Variants in HES5 observed in about 807,000 individuals in gnomAD.
HES5 encodes the protein hes family bHLH transcription factor 5, also known as transcription factor HES-5.
In HES5, 12 loss-of-function variants were observed where a neutral mutation model predicts 9.6. The ratio of observed to expected loss-of-function variants is 1.25; its 90% CI spans 0.80 to 2.03. The LOEUF is 2.03. HES5 is among the 30% of genes most tolerant of loss of function. The pLI is 0.00. For synonymous variants in HES5, 131 were observed against 102.4 expected (o/e 1.28, Z -1.69); for missense variants, 255 against 218.6 (o/e 1.17, Z -1.05).
At position 2,530,248 on chromosome 1, in the gene HES5, C is replaced by T. The variant is rs1483360511; in HGVS notation, c.-84G>A. 4 of 1,222,024 alleles carry T rather than the reference C, an allele frequency of 3.3e-6. No homozygotes were observed. The highest frequency in any genetic ancestry group is 4.2e-6 in the Non-Finnish European group (4 of 962,384). 75.7% of individuals were successfully genotyped at this position (1,222,024 alleles called of 1,614,324 possible). A position where few individuals can be genotyped will look rare whatever the true frequency, so the allele number is the denominator to read the frequency against. On this transcript the variant is annotated 5_prime_UTR_variant, in exon 1 of 3. Coordinates refer to ENST00000378453, the MANE Select transcript of HES5 (RefSeq NM_001010926.4). ...GGGCGCGGGCAAGGCCAAGCGCGTC[C>T]CGGGCTGGCGCGGACACCGGCCCCG... is the stretch of plus-strand genomic sequence containing the variant.
At position 2,529,823 on chromosome 1, in the gene HES5, G is replaced by C. The variant is rs1472179441; in HGVS notation, c.220+23C>G. The C allele has an allele frequency of 7.2e-7, 1 of 1,391,914 alleles. No homozygotes were observed. The highest frequency in any genetic ancestry group is 1.5e-5 in the African/African-American group (1 of 68,262). The allele number at this position is 1,391,914 out of a possible 1,614,324, so 86.2% of individuals were successfully genotyped here. The stretch of plus-strand genomic sequence containing the variant: ...CCGGGGCGCGGTGGGAACTCGGGGC[G>C]CGGGGGGCCCGGGCGCGCTCACCTT... On this transcript the variant is annotated intron_variant, in intron 2 of 2. Coordinates refer to ENST00000378453, the MANE Select transcript of HES5 (RefSeq NM_001010926.4). This position sits in a 1 kb window ranked among gnomAD's most constrained non-coding sequence, Gnocchi z 4.5.
At position 2,530,011 on chromosome 1, in the gene HES5, G is replaced by A; in HGVS notation, c.55C>T (p.Leu19=). 3 of 1,603,986 alleles carry A rather than the reference G, an allele frequency of 1.9e-6. No individual in the cohort carries two copies. Among genetic ancestry groups the A allele is most frequent in the South Asian group, 1.1e-5 (1 of 90,418 alleles). ...ELLSPKEKNR[L]RKPVVEKMRR... ...ATCTTCTCCACCACCGGCTTCCGCA[G>A]CTGCGGGAGGAGGGGGTGTCAGGCT... The change falls in exon 2 of 3, where the codon CTG becomes TTG. Residue 19 remains leucine, a splice_region_variant and synonymous_variant. Coordinates refer to ENST00000378453, the MANE Select transcript of HES5 (RefSeq NM_001010926.4).
rs1281561918 is a variant in HES5 at position 2,529,280 on chromosome 1, G to T, written c.*189C>A. On this transcript the variant is annotated 3_prime_UTR_variant, in exon 3 of 3. Coordinates refer to ENST00000378453, the MANE Select transcript of HES5 (RefSeq NM_001010926.4). This position sits in a 1 kb window ranked among gnomAD's most constrained non-coding sequence, Gnocchi z 4.5. The stretch of plus-strand genomic sequence containing the variant: ...GATGGGCCCTGATTGTCCTAAAACG[G>T]CAGGGACTCTGCACACACATTCTCT... 6 of 369,112 alleles carry T rather than the reference G, an allele frequency of 1.6e-5. No homozygotes were observed. The highest frequency in any genetic ancestry group is 1.1e-5 in the Non-Finnish European group (3 of 263,460). The allele number at this position is 369,112 out of a possible 1,614,324, so 22.9% of individuals were successfully genotyped here.
In HES5 at chr1:2,529,285, G is replaced by A. The variant is rs559832556; in HGVS notation, c.*184C>T. 2 of 397,896 alleles carry A rather than the reference G, an allele frequency of 5.0e-6. No individual in the cohort carries two copies. The highest frequency in any genetic ancestry group is 1.1e-3 in the Middle Eastern group (1 of 882). 24.6% of individuals were successfully genotyped at this position (397,896 alleles called of 1,614,324 possible). A position where few individuals can be genotyped will look rare whatever the true frequency, so the allele number is the denominator to read the frequency against. On this transcript the variant is annotated 3_prime_UTR_variant, in exon 3 of 3. Transcript: ENST00000378453. The surrounding 1 kb of genome is among the most constrained non-coding windows in gnomAD (Gnocchi z 4.5). ...GCCCTGATTGTCCTAAAACGGCAGG[G>A]ACTCTGCACACACATTCTCTGAGAA...
In HES5 at chr1:2,529,329, G is replaced by C; in HGVS notation, c.*140C>G. Reference sequence around the variant, plus strand: ...CTGAGAATGGGGCTCCTGCGGGCCGGCCAGCTTGGGGCCAGAGCCTTCCGG... The same window carrying C: ...CTGAGAATGGGGCTCCTGCGGGCCGCCCAGCTTGGGGCCAGAGCCTTCCGG... On this transcript the variant is annotated 3_prime_UTR_variant, in exon 3 of 3. Coordinates refer to ENST00000378453, the MANE Select transcript of HES5 (RefSeq NM_001010926.4). This position sits in a 1 kb window ranked among gnomAD's most constrained non-coding sequence, Gnocchi z 4.5. 1 of 845,388 alleles carries C rather than the reference G, an allele frequency of 1.2e-6. No individual in the cohort carries two copies. Among genetic ancestry groups the C allele is most frequent in the Non-Finnish European group, 1.4e-6 (1 of 699,994 alleles). The allele number at this position is 845,388 out of a possible 1,614,324, so 52.4% of individuals were successfully genotyped here. A position where few individuals can be genotyped will look rare whatever the true frequency, so the allele number is the denominator to read the frequency against.
Position 2,530,251 on chromosome 1 carries a change from G to C in HES5, c.-87C>G. 8.4e-7 allele frequency: 1 copy of C among 1,190,942 alleles called. No homozygotes were observed. The highest frequency in any genetic ancestry group is 1.1e-6 in the Non-Finnish European group (1 of 939,856). 73.8% of individuals were successfully genotyped at this position (1,190,942 alleles called of 1,614,324 possible). Reference sequence around the variant, plus strand: ...CGCGGGCAAGGCCAAGCGCGTCCCGGGCTGGCGCGGACACCGGCCCCGCGC... The same window carrying C: ...CGCGGGCAAGGCCAAGCGCGTCCCGCGCTGGCGCGGACACCGGCCCCGCGC... On this transcript the variant is annotated 5_prime_UTR_variant, in exon 1 of 3. Transcript: ENST00000378453.
Position 2,528,883 on chromosome 1 carries a change from T to G in HES5, c.*586A>C, listed in dbSNP as rs986360914. ...ACACAGAGGAATCCTTTAAGGATCA[T>G]AGTGGAGGCACCCACCCTCCCCAGA... On this transcript the variant is annotated 3_prime_UTR_variant, in exon 3 of 3. Coordinates refer to ENST00000378453, the MANE Select transcript of HES5 (RefSeq NM_001010926.4). The G allele has an allele frequency of 1.3e-5, 2 of 152,490 alleles. No homozygotes were observed. The highest frequency in any genetic ancestry group is 2.4e-5 in the African/African-American group (1 of 41,412). 9.4% of individuals were successfully genotyped at this position (152,490 alleles called of 1,614,324 possible).
chr1:2,529,699 CT>C lies in HES5; in HGVS notation c.270del (p.Gly91AlafsTer13). On this transcript the variant is annotated frameshift_variant, in exon 3 of 3. Transcript: ENST00000378453. LOFTEE classifies it low-confidence loss of function (END_TRUNC). This position sits in a 1 kb window ranked among gnomAD's most constrained non-coding sequence, Gnocchi z 4.5. ...GCCTCCTGCAGGCACCACGAGTAGC[CT>C]TCGCTGTAGTCCTGGTGCAGGCTCT... ...GPKSLHQDYS[E>X]GYSWCLQEAV... is the part of the protein sequence containing the mutation. The C allele has an allele frequency of 7.7e-7, 1 of 1,305,420 alleles. No homozygotes were observed. The highest frequency in any genetic ancestry group is 9.9e-7 in the Non-Finnish European group (1 of 1,012,986). The allele number at this position is 1,305,420 out of a possible 1,614,324, so 80.9% of individuals were successfully genotyped here. A position where few individuals can be genotyped will look rare whatever the true frequency, so the allele number is the denominator to read the frequency against.
At position 2,529,731 on chromosome 1, in the gene HES5, CCGG is replaced by C. The variant is rs1245243549; in HGVS notation, c.236_238del (p.Ala79del). On this transcript the variant is annotated inframe_deletion, in exon 3 of 3. Coordinates refer to ENST00000378453, the MANE Select transcript of HES5 (RefSeq NM_001010926.4). The surrounding 1 kb of genome is among the most constrained non-coding windows in gnomAD (Gnocchi z 4.5). ...GTAGTCCTGGTGCAGGCTCTTGGGG[CCGG>C]CGGCGGCGACGAAGGCTGCGGGGAG... 3 of 1,246,602 alleles carry C rather than the reference CCGG, an allele frequency of 2.4e-6. No homozygotes were observed. Among genetic ancestry groups the C allele is most frequent in the South Asian group, 3.0e-5 (1 of 33,490 alleles). 77.2% of individuals were successfully genotyped at this position (1,246,602 alleles called of 1,614,324 possible).
At position 2,529,569 on chromosome 1, in the gene HES5, T is replaced by G. The variant is rs1014986514; in HGVS notation, c.401A>C (p.Lys134Thr). 4 of 1,123,964 alleles carry G rather than the reference T, an allele frequency of 3.6e-6. No homozygotes were observed. In the African/African-American group the frequency reaches 6.8e-5, roughly 19 times the overall value. 69.6% of individuals were successfully genotyped at this position (1,123,964 alleles called of 1,614,324 possible). A position where few individuals can be genotyped will look rare whatever the true frequency, so the allele number is the denominator to read the frequency against. ...GGGCGGGGGCGCGGCGCCCGGCGCC[T>G]TGGGCTCCTTGGCGGGCGCGGCGGG... ...AAPAAPAKEP[K>T]APGAAPPPAL... Residue 134 changes from lysine to threonine, a missense_variant, in exon 3 of 3, where the codon AAG (lysine) becomes ACG (threonine). Physicochemically the swap from Lys to Thr is moderately conservative, Grantham distance 78 (BLOSUM62 -1). Transcript: ENST00000378453. This position sits in a 1 kb window ranked among gnomAD's most constrained non-coding sequence, Gnocchi z 4.5.
Position 2,530,218 on chromosome 1 carries a change from C to G in HES5, c.-54G>C. 1 of 1,406,922 alleles carries G rather than the reference C, an allele frequency of 7.1e-7. No individual in the cohort carries two copies. The highest frequency in any genetic ancestry group is 9.3e-7 in the Non-Finnish European group (1 of 1,072,300). The allele number at this position is 1,406,922 out of a possible 1,614,324, so 87.2% of individuals were successfully genotyped here. A position where few individuals can be genotyped will look rare whatever the true frequency, so the allele number is the denominator to read the frequency against. On this transcript the variant is annotated 5_prime_UTR_variant, in exon 1 of 3. Coordinates refer to ENST00000378453, the MANE Select transcript of HES5 (RefSeq NM_001010926.4). ...CGCGGGGAGGCCGGGCGAGACGAGG[C>G]GAGCGGGCGCGGGCAAGGCCAAGCG...
intron 1 of HES5, 23 bp downstream of exon 1, chr1:2,530,088 C>A: frequency 6.3e-7 from 1 of 1,591,470 alleles, no homozygotes; most frequent in South Asian, 1.1e-5. Flanking sequence ...GGGGACAGCG[C>A]GCCGGGCGAG....
chr1:2,529,325 G>T lies in HES5; in HGVS notation c.*144C>A. The stretch of plus-strand genomic sequence containing the variant: ...TTCTCTGAGAATGGGGCTCCTGCGG[G>T]CCGGCCAGCTTGGGGCCAGAGCCTT... On this transcript the variant is annotated 3_prime_UTR_variant, in exon 3 of 3. Transcript: ENST00000378453. The surrounding 1 kb of genome is among the most constrained non-coding windows in gnomAD (Gnocchi z 4.5). 1 of 800,126 alleles carries T rather than the reference G, an allele frequency of 1.2e-6. No homozygotes were observed. The highest frequency in any genetic ancestry group is 1.5e-6 in the Non-Finnish European group (1 of 658,336). 49.6% of individuals were successfully genotyped at this position (800,126 alleles called of 1,614,324 possible).
At position 2,529,724 on chromosome 1, in the gene HES5, C is replaced by T; in HGVS notation, c.246G>A (p.Lys82=). 1 of 1,253,232 alleles carries T rather than the reference C, an allele frequency of 8.0e-7. No homozygotes were observed. Among genetic ancestry groups the T allele is most frequent in the Non-Finnish European group, 1.0e-6 (1 of 988,314 alleles). 77.6% of individuals were successfully genotyped at this position (1,253,232 alleles called of 1,614,324 possible). A position where few individuals can be genotyped will look rare whatever the true frequency, so the allele number is the denominator to read the frequency against. ...CTTCGCTGTAGTCCTGGTGCAGGCT[C>T]TTGGGGCCGGCGGCGGCGACGAAGG... The part of the protein sequence containing the change: ...SKAFVAAAGP[K]SLHQDYSEGY... Residue 82 remains lysine, a synonymous_variant, in exon 3 of 3, where the codon AAG becomes AAA. Transcript: ENST00000378453. This position sits in a 1 kb window ranked among gnomAD's most constrained non-coding sequence, Gnocchi z 4.5.
chr1:2,530,155 T>C lies in HES5; in HGVS notation c.10A>G (p.Ser4Gly), dbSNP rs1434198675. Residue 4 changes from serine to glycine, a missense_variant, in exon 1 of 3, where the codon AGC becomes GGC. By Grantham distance (56) the Ser-to-Gly change is moderately conservative (BLOSUM62 0). Coordinates refer to ENST00000378453, the MANE Select transcript of HES5 (RefSeq NM_001010926.4). MAPSTVAVELLSPK... is the reference protein window; with the variant it reads MAPGTVAVELLSPK... The stretch of plus-strand genomic sequence containing the variant: ...CTGAGCAGCTCCACGGCCACAGTGC[T>C]GGGGGCCATGCCTGGCGCGGAACAG... 5 of 1,520,888 alleles carry C rather than the reference T, an allele frequency of 3.3e-6. No individual in the cohort carries two copies. 94.2% of individuals were successfully genotyped at this position (1,520,888 alleles called of 1,614,324 possible). A position where few individuals can be genotyped will look rare whatever the true frequency, so the allele number is the denominator to read the frequency against.
At position 2,529,790 on chromosome 1, in the gene HES5, C is replaced by G; in HGVS notation, c.221-41G>C. On this transcript the variant is annotated intron_variant, in intron 2 of 2. Transcript: ENST00000378453. This position sits in a 1 kb window ranked among gnomAD's most constrained non-coding sequence, Gnocchi z 4.5. ...GCGGCGGTGAGCGGGCGGCGGGGCGCGGGGGAGCCGGGGCGCGGTGGGAAC... is the reference window on the plus strand; with the variant it reads ...GCGGCGGTGAGCGGGCGGCGGGGCGGGGGGGAGCCGGGGCGCGGTGGGAAC... 7.9e-7 allele frequency: 1 copy of G among 1,266,584 alleles called. No individual in the cohort carries two copies. The highest frequency in any genetic ancestry group is 1.0e-6 in the Non-Finnish European group (1 of 999,168). The allele number at this position is 1,266,584 out of a possible 1,614,324, so 78.5% of individuals were successfully genotyped here.
In HES5 at chr1:2,529,987, T is replaced by G. The variant is rs1274311018; in HGVS notation, c.79A>C (p.Met27Leu). 1.7e-5 allele frequency: 28 copies of G among 1,607,400 alleles called. No individual in the cohort carries two copies. The highest frequency in any genetic ancestry group is 2.3e-5 in the Non-Finnish European group (27 of 1,176,662). ...NRLRKPVVEK[M>L]RRDRINSSIE... ...CTGCTGTTGATGCGGTCGCGGCGCA[T>G]CTTCTCCACCACCGGCTTCCGCAGC... The change falls in exon 2 of 3, where the codon ATG becomes CTG. Residue 27 changes from methionine (M) to leucine (L), a missense_variant. Transcript: ENST00000378453. The surrounding 1 kb of genome is among the most constrained non-coding windows in gnomAD (Gnocchi z 4.5).
Position 2,529,775 on chromosome 1 carries a change from G to A in HES5, c.221-26C>T. 1 of 1,248,050 alleles carries A rather than the reference G, an allele frequency of 8.0e-7. No individual in the cohort carries two copies. The highest frequency in any genetic ancestry group is 1.0e-6 in the Non-Finnish European group (1 of 991,196). The allele number at this position is 1,248,050 out of a possible 1,614,324, so 77.3% of individuals were successfully genotyped here. A position where few individuals can be genotyped will look rare whatever the true frequency, so the allele number is the denominator to read the frequency against. On this transcript the variant is annotated intron_variant, in intron 2 of 2. Transcript: ENST00000378453. The surrounding 1 kb of genome is among the most constrained non-coding windows in gnomAD (Gnocchi z 4.5). ...CTGCGGGGAGACGCGGCGGCGGTGA[G>A]CGGGCGGCGGGGCGCGGGGGAGCCG...
chr1:2,529,741 C>T lies in HES5; in HGVS notation c.229G>A (p.Ala77Thr). Residue 77 changes from alanine (A) to threonine (T), a missense_variant, in exon 3 of 3, where the codon GCC becomes ACC. Ala to Thr is a moderately conservative substitution (Grantham distance 58). Coordinates refer to ENST00000378453, the MANE Select transcript of HES5 (RefSeq NM_001010926.4). The surrounding 1 kb of genome is among the most constrained non-coding windows in gnomAD (Gnocchi z 4.5). ...TGCAGGCTCTTGGGGCCGGCGGCGGCGACGAAGGCTGCGGGGAGACGCGGC... is the reference window on the plus strand; with the variant it reads ...TGCAGGCTCTTGGGGCCGGCGGCGGTGACGAAGGCTGCGGGGAGACGCGGC... ...SYLKHSKAFV[A>T]AAGPKSLHQD... 8.0e-7 allele frequency: 1 copy of T among 1,242,384 alleles called. No individual in the cohort carries two copies. The highest frequency in any genetic ancestry group is 3.6e-5 in the East Asian group (1 of 28,042). The allele number at this position is 1,242,384 out of a possible 1,614,324, so 77.0% of individuals were successfully genotyped here.
Sources: gnomAD v4.1 joint callset for allele counts on GRCh38, gnomAD v4.1.1 for gene constraint, Gnocchi (gnomAD v3.1) non-coding constraint, MANE v1.5 for transcripts, NCBI Gene and HGNC (gene_info 2026-07-23, HGNC 2026-07-21) for gene names.